RIMKLB: variants seen among roughly 807,000 people sequenced by gnomAD.
RIMKLB encodes ribosomal modification protein rimK like family member B, also known as beta-citrylglutamate synthase B.
A neutral mutation model predicts 32.0 loss-of-function variants in RIMKLB; 7 were observed. That is an observed-to-expected ratio of 0.22 (90% CI 0.12 to 0.41). The LOEUF (loss-of-function observed/expected upper bound fraction) is 0.41. Among genes scored for constraint, RIMKLB ranks in the 10% least tolerant of loss-of-function variants. The pLI, the probability that RIMKLB is intolerant of heterozygous loss-of-function variation, is 1.00. For synonymous variants in RIMKLB, 172 were observed against 185.1 expected (o/e 0.93, Z 0.57); for missense variants, 289 against 498.7 (o/e 0.58, Z 4.00).
chr12:8,754,165 ATG>A (rs1948834546), intron 5 of RIMKLB, 72 bp downstream of exon 5: 1 of 1,136,294 alleles, frequency 8.8e-7, no homozygotes. Flanking sequence ...ATTCATATGT[ATG>A]TAACTCTAGA....
exon 8 of RIMKLB, chr12:8,782,962 T>C (rs1047589307): frequency 5.9e-5 from 9 of 152,112 alleles, no homozygotes; most frequent in Admixed American, 5.2e-4. Flanking sequence ...ATCAACAGAA[T>C]GGATGAAGAT....
chr12:8,745,779 C>T (rs1156951856), intron 2 of RIMKLB, among the ~76,000 whole-genome samples: 1 of 149,972 alleles, frequency 6.7e-6, no homozygotes, highest in Non-Finnish European at 1.5e-5. Flanking sequence ...AGTGCAACCT[C>T]TGCCTCGTAG....
chr12:8,728,009 G>C (rs1245066066), intron 2 of RIMKLB, among the ~76,000 whole-genome samples: 1 of 152,038 alleles, frequency 6.6e-6, no homozygotes, highest in Non-Finnish European at 1.5e-5. Context: ...GCCAACTTTT[G>C]GTATCCATAG....
At chr12:8,697,721 C>T (rs745698152), upstream of RIMKLB, 3 of 263,090 alleles carry the variant, frequency 1.1e-5, no homozygotes, top group South Asian at 8.2e-5. Flanking sequence ...TCTCTTCCCC[C>T]GAGGCCAGCG....
At chr12:8,681,039 C>A (rs909294622), upstream of RIMKLB, among the ~76,000 whole-genome samples, 2 of 150,968 alleles carry the variant, frequency 1.3e-5, no homozygotes, top group Admixed American at 1.3e-4. Flanking sequence ...GGCAGAAGTG[C>A]AGTGGCACAA....
intron 2 of RIMKLB, among the ~76,000 whole-genome samples, chr12:8,748,028 T>C (rs1948257853): frequency 6.6e-6 from 1 of 152,180 alleles, no homozygotes; most frequent in Non-Finnish European, 1.5e-5. Context: ...AGTGCTGGGA[T>C]TACAGGTGTG....
intron 1 of RIMKLB, among the ~76,000 whole-genome samples, chr12:8,690,808 A>G (rs1942711099): frequency 1.3e-5 from 2 of 152,174 alleles, no homozygotes; most frequent in Non-Finnish European, 2.9e-5. Flanking sequence ...CTGTAATCCT[A>G]GCTAGTTGGG....
intron 1 of RIMKLB, among the ~76,000 whole-genome samples, chr12:8,710,776 G>A (rs1309916682): frequency 6.6e-6 from 1 of 151,968 alleles, no homozygotes; most frequent in Non-Finnish European, 1.5e-5. Context: ...ATTCCATCCT[G>A]ACTGCTATTG....
rs974063193 is a variant in RIMKLB at position 8,756,483 on chromosome 12, A to G, written c.697+2390A>G. On this transcript the variant is annotated intron_variant, in intron 5 of 5. Transcript: ENST00000535829. The stretch of plus-strand genomic sequence containing the variant: ...AAAGGCAAGTCAAAGAAGAGAATAC[A>G]TGTATTGCATTTATATAAAATTTAA... Among the ~76,000 whole-genome samples the G allele has an allele frequency of 2.6e-5, 4 of 152,246 alleles. No homozygotes were observed. The South Asian group carries it at 8.3e-4, about 32-fold the overall frequency.
rs11307521 is a variant in RIMKLB, at chr12:8,716,431, CTTTTTTTTT to C, written c.175+2405_175+2413del. 6.1e-5 allele frequency among the ~76,000 whole-genome samples: 5 copies of C among 81,682 alleles called. No individual in the cohort carries two copies. The Admixed American group carries it at 7.0e-4, about 12-fold the overall frequency. The allele number at this position is 81,682 out of a possible 152,430, so 53.6% of individuals were successfully genotyped here. A position where few individuals can be genotyped will look rare whatever the true frequency, so the allele number is the denominator to read the frequency against. On this transcript the variant is annotated intron_variant, in intron 2 of 5. Transcript: ENST00000535829. ...TAACCTAGCCTTACCATTAACATGTCTTTTTTTTTTTTTTTTTTTTTTTAATTCACAAGA... is the reference window on the plus strand; with the variant it reads ...TAACCTAGCCTTACCATTAACATGTCTTTTTTTTTTTTTTAATTCACAAGA...
chr12:8,685,341 C>T (rs1942537306), intron 1 of RIMKLB, among the ~76,000 whole-genome samples: 4 of 152,150 alleles, frequency 2.6e-5, no homozygotes, highest in Admixed American at 2.6e-4. Flanking sequence ...ATTTTTATCC[C>T]ATACTTCATT....
At chr12:8,749,232 T>G (rs1044420003) in intron 2 of RIMKLB, among the ~76,000 whole-genome samples, 1 of 151,954 alleles carries the variant, frequency 6.6e-6, no homozygotes, top group Admixed American at 6.6e-5. Context: ...TTTTTTTTTT[T>G]TTTGAGTCTC....
intron 5 of RIMKLB, among the ~76,000 whole-genome samples, chr12:8,755,901 T>C (rs1948981931): frequency 6.6e-6 from 1 of 152,014 alleles, no homozygotes; most frequent in Admixed American, 6.6e-5. Context: ...AACCTGTAAT[T>C]CCAGCACTTT....
intron 2 of RIMKLB, among the ~76,000 whole-genome samples, chr12:8,718,651 CTCTATATATA>C (rs1462723544): frequency 7.1e-5 from 7 of 98,448 alleles, no homozygotes; most frequent in African/African-American, 2.7e-4. Flanking sequence ...CTCTCTCTCT[CTCTATATATA>C]TATATATATG....
chr12:8,690,165 G>A (rs1942691143), intron 1 of RIMKLB, among the ~76,000 whole-genome samples: 2 of 152,074 alleles, frequency 1.3e-5, no homozygotes, highest in African/African-American at 4.8e-5. Context: ...TCGAGAAAAA[G>A]CATAATTGAT....
intron 1 of RIMKLB, among the ~76,000 whole-genome samples, chr12:8,692,049 G>A (rs1942748498): frequency 6.6e-6 from 1 of 151,500 alleles, no homozygotes. Flanking sequence ...TTCTTTAAAT[G>A]AGAACACATC....
At chr12:8,668,654 T>C in the RIMKLB span, 1 of 152,238 alleles carries the variant, frequency 6.6e-6, no homozygotes, top group African/African-American at 2.4e-5. Context: ...TGAGCTGCTT[T>C]ATTAAGATGC....
intron 1 of RIMKLB, among the ~76,000 whole-genome samples, chr12:8,691,901 T>C (rs1200307361): frequency 6.6e-6 from 1 of 152,214 alleles, no homozygotes; most frequent in Non-Finnish European, 1.5e-5. Flanking sequence ...GTGTGACAGA[T>C]GCACACAGCC....
chr12:8,670,916 G>A, the RIMKLB span, among the ~76,000 whole-genome samples: 17 of 152,226 alleles, frequency 1.1e-4, no homozygotes, highest in Admixed American at 6.5e-5. Context: ...CTGCAGGCCC[G>A]ATATCACATG....
Sources: allele counts gnomAD v4.1 joint callset (sites outside exome capture counted in the v4.1 genomes callset), GRCh38; gene constraint gnomAD v4.1.1; transcripts MANE v1.5; gene names NCBI Gene and HGNC (gene_info 2026-07-23, HGNC 2026-07-21).